The following RBM33 variants were observed in gnomAD, a reference collection of about 807,000 sequenced individuals.
The protein encoded by RBM33 is RNA binding motif protein 33.
RBM33 carries 28 observed loss-of-function variants against 132.6 expected under a neutral mutation model. The ratio of observed to expected loss-of-function variants is 0.21; its 90% CI spans 0.16 to 0.29. The LOEUF (loss-of-function observed/expected upper bound fraction) is 0.29, where lower values mean the gene tolerates loss of function less well. Among genes scored for constraint, RBM33 ranks in the 10% least tolerant of loss-of-function variants. The pLI, the probability that RBM33 is intolerant of heterozygous loss-of-function variation, is 1.00. For synonymous variants in RBM33, 634 were observed against 593.0 expected (o/e 1.07, Z -1.01); for missense variants, 1,291 against 1,518.5 (o/e 0.85, Z 2.49).
chr7:155,700,335 G>C (rs763500479), intron 5 of RBM33, among the ~76,000 whole-genome samples: 2 of 152,088 alleles, frequency 1.3e-5, no homozygotes, highest in African/African-American at 4.8e-5. Flanking sequence ...AAGGTAGGTG[G>C]GGTCAGAGTT....
chr7:155,714,046 C>T (rs1206429009), intron 8 of RBM33, among the ~76,000 whole-genome samples: 2 of 151,922 alleles, frequency 1.3e-5, no homozygotes, highest in African/African-American at 2.4e-5. Context: ...TGAGGAGAGG[C>T]GCTTTGGAGC....
chr7:155,726,714 A>G (rs1430202319), intron 9 of RBM33, among the ~76,000 whole-genome samples: 1 of 152,254 alleles, frequency 6.6e-6, no homozygotes, highest in East Asian at 1.9e-4. Context: ...GAAGTTAATA[A>G]AGAAATGATC....
chr7:155,659,244 A>G (rs1798575190), intron 1 of RBM33, among the ~76,000 whole-genome samples: 1 of 152,214 alleles, frequency 6.6e-6, no homozygotes, highest in South Asian at 2.1e-4. Context: ...CATTCATAGT[A>G]GAAAAAGAAA....
At chr7:155,760,402 A>T (rs183552841) in intron 14 of RBM33, among the ~76,000 whole-genome samples, 2,482 of 152,336 alleles carry the variant, frequency 0.016, 62 homozygotes, top group African/African-American at 0.055. Flanking sequence ...ACAGTCAGTA[A>T]GACTGTTGGG....
At chr7:155,722,799 A>C (rs1800666833) in intron 9 of RBM33, among the ~76,000 whole-genome samples, 1 of 152,232 alleles carries the variant, frequency 6.6e-6, no homozygotes, top group Non-Finnish European at 1.5e-5. Flanking sequence ...ATCATTTTAA[A>C]GATTCCTGAC....
intron 1 of RBM33, among the ~76,000 whole-genome samples, chr7:155,664,914 G>GA (rs1248650259): frequency 1.2e-5 from 1 of 83,698 alleles, no homozygotes; most frequent in Non-Finnish European, 2.7e-5. Context: ...AATAACATTT[G>GA]AGGTTTTTTT....
chr7:155,730,012 G>A (rs1800909228), intron 9 of RBM33, among the ~76,000 whole-genome samples: 1 of 152,202 alleles, frequency 6.6e-6, no homozygotes, highest in African/African-American at 2.4e-5. Context: ...ACAGCATGCC[G>A]CAGTACTTCC....
intron 3 of RBM33, among the ~76,000 whole-genome samples, chr7:155,677,861 T>G (rs1056998585): frequency 2.0e-5 from 3 of 152,178 alleles, no homozygotes; most frequent in Non-Finnish European, 4.4e-5. Context: ...CTGGCTTTCG[T>G]GAAGGGAGTA....
At chr7:155,660,306 C>G (rs1324797983) in intron 1 of RBM33, among the ~76,000 whole-genome samples, 1 of 152,200 alleles carries the variant, frequency 6.6e-6, no homozygotes, top group African/African-American at 2.4e-5. Context: ...AACTCCTGGC[C>G]TCAAGCGACT....
intron 14 of RBM33, among the ~76,000 whole-genome samples, chr7:155,749,597 A>AATGATG (rs372803053): frequency 6.7e-6 from 1 of 149,924 alleles, no homozygotes; most frequent in South Asian, 2.1e-4. Context: ...CTCCTAGGAT[A>AATGATG]ATGATGATGA....
chr7:155,758,465 A>G (rs1801922052), intron 14 of RBM33, among the ~76,000 whole-genome samples: 1 of 152,120 alleles, frequency 6.6e-6, no homozygotes. Context: ...TCGCGTGGGC[A>G]GTTCACAGTA....
chr7:155,703,273 G>A (rs1203039229), intron 6 of RBM33, among the ~76,000 whole-genome samples: 1 of 152,066 alleles, frequency 6.6e-6, no homozygotes, highest in African/African-American at 2.4e-5. Context: ...GCTTTTTAAG[G>A]CATCTGGAAA....
intron 5 of RBM33, among the ~76,000 whole-genome samples, chr7:155,685,607 C>T (rs187116405): frequency 2.0e-5 from 3 of 152,094 alleles, no homozygotes; most frequent in African/African-American, 7.2e-5. Context: ...GGTTCGTGGT[C>T]GACGAGGCTT....
intron 8 of RBM33, among the ~76,000 whole-genome samples, chr7:155,713,898 A>G (rs1180829893): frequency 6.6e-6 from 1 of 151,854 alleles, no homozygotes; most frequent in Non-Finnish European, 1.5e-5. Flanking sequence ...GAGGGGGAGG[A>G]GCAGGGAGTC....
chr7:155,761,883 A>T (rs958169222), intron 14 of RBM33, among the ~76,000 whole-genome samples: 1 of 151,998 alleles, frequency 6.6e-6, no homozygotes, highest in African/African-American at 2.4e-5. Context: ...CTGATTTTAG[A>T]TGTTTTTCCT....
intron 3 of RBM33, among the ~76,000 whole-genome samples, chr7:155,675,471 A>G (rs190607459): frequency 1.3e-5 from 2 of 152,098 alleles, no homozygotes; most frequent in Non-Finnish European, 2.9e-5. Context: ...TCCTGTGTAC[A>G]TTGAGGTTGT....
intron 11 of RBM33, 151 bp downstream of exon 11, chr7:155,738,554 A>G (rs939872935): frequency 1.1e-5 from 8 of 756,858 alleles, no homozygotes; most frequent in South Asian, 6.2e-5. Context: ...GTTAAAGACA[A>G]CTTTTTTCAA....
At chr7:155,726,822 A>T (rs1352830203) in intron 9 of RBM33, among the ~76,000 whole-genome samples, 5 of 152,226 alleles carry the variant, frequency 3.3e-5, no homozygotes, top group African/African-American at 1.2e-4. Context: ...ATGCACTATG[A>T]TGGATAAAGC....
intron 1 of RBM33, among the ~76,000 whole-genome samples, chr7:155,654,147 G>A (rs1179871453): frequency 2.6e-5 from 4 of 152,106 alleles, no homozygotes; most frequent in Admixed American, 6.5e-5. Flanking sequence ...AAACCAGCAC[G>A]TATATCCATC....
Sources: gnomAD v4.1 joint callset for allele counts (sites outside exome capture counted in the v4.1 genomes callset) on GRCh38, gnomAD v4.1.1 for gene constraint, MANE v1.5 for transcripts, NCBI Gene and HGNC (gene_info 2026-07-23, HGNC 2026-07-21) for gene names.